The following SLC25A17 variants were observed in gnomAD, a reference collection of about 807,000 sequenced individuals.
SLC25A17 encodes peroxisomal membrane protein PMP34.
In SLC25A17, 26 loss-of-function variants were observed where a neutral mutation model predicts 38.5. The ratio of observed to expected loss-of-function variants is 0.68; its 90% CI spans 0.50 to 0.94. The LOEUF is 0.94. Ranked by LOEUF, SLC25A17 falls within the 40% of genes least tolerant of loss-of-function variation. SLC25A17 has a pLI of 0.00. For missense variants in SLC25A17, 333 were observed against 372.7 expected, an observed-to-expected ratio of 0.89 and a Z score of 0.88; for synonymous variants, 139 against 136.2, an observed-to-expected ratio of 1.02 and a Z score of -0.14.
intron 1 of SLC25A17, among the ~76,000 whole-genome samples, chr22:40,808,076 T>TTG (rs2057545526): frequency 2.6e-5 from 2 of 77,544 alleles, no homozygotes; most frequent in Non-Finnish European, 2.6e-5. Context: ...TACAATACTG[T>TTG]TGTGCGAGAG....
chr22:40,815,604 T>A (rs995455502), intron 1 of SLC25A17, among the ~76,000 whole-genome samples: 4 of 152,234 alleles, frequency 2.6e-5, no homozygotes, highest in Non-Finnish European at 2.9e-5. Flanking sequence ...AAGAATATAC[T>A]TGAGACAGAA....
At chr22:40,787,381 G>A (rs1031782168) in intron 4 of SLC25A17, among the ~76,000 whole-genome samples, 10 of 152,190 alleles carry the variant, frequency 6.6e-5, no homozygotes, top group South Asian at 4.1e-4. Context: ...AGAATAAACA[G>A]TTCACTCTTG....
At chr22:40,774,476 G>A (rs757061496) in intron 7 of SLC25A17, among the ~76,000 whole-genome samples, 19 of 152,070 alleles carry the variant, frequency 1.2e-4, no homozygotes, top group Non-Finnish European at 2.2e-4. Context: ...CACCCACCTC[G>A]GCCTCCCGAA....
intron 1 of SLC25A17, among the ~76,000 whole-genome samples, chr22:40,816,791 A>G (rs1177405294): frequency 6.6e-6 from 1 of 151,824 alleles, no homozygotes; most frequent in Non-Finnish European, 1.5e-5. Context: ...TTGTATTTTT[A>G]GTAGAGACGG....
chr22:40,816,362 C>G (rs1276234569), intron 1 of SLC25A17, among the ~76,000 whole-genome samples: 1 of 152,094 alleles, frequency 6.6e-6, no homozygotes, highest in Non-Finnish European at 1.5e-5. Context: ...TGGGCCAAAT[C>G]CAATCTAATA....
chr22:40,774,554 A>G (rs1814390444), intron 7 of SLC25A17, among the ~76,000 whole-genome samples: 1 of 152,210 alleles, frequency 6.6e-6, no homozygotes, highest in South Asian at 2.1e-4. Flanking sequence ...AGCAAGCATA[A>G]TAATTTTCAT....
chr22:40,792,780 C>T, intron 3 of SLC25A17, 104 bp from the exon 4 acceptor site: 1 of 1,128,312 alleles, frequency 8.9e-7, no homozygotes, highest in Non-Finnish European at 1.3e-6. Context: ...TCTCAAGCTT[C>T]ACTCCTACAC....
At position 40,789,131 on chromosome 22, in the gene SLC25A17, G is replaced by A; in HGVS notation, c.334+3394C>T. The A allele has an allele frequency of 3.8e-6, 1 of 264,724 alleles. No individual in the cohort carries two copies. 16.4% of individuals were successfully genotyped at this position (264,724 alleles called of 1,614,324 possible). On this transcript the variant is annotated intron_variant, in intron 4 of 8. Coordinates refer to ENST00000435456, the MANE Select transcript of SLC25A17 (RefSeq NM_006358.4). This position sits in a 1 kb window ranked among gnomAD's most constrained non-coding sequence, Gnocchi z 4.5. ...TAAATGCCACTGGATATATCGGCTG[G>A]CAGATTATCTACCACTTGCTCAGGA...
intron 1 of SLC25A17, 33 bp downstream of exon 1, chr22:40,819,162 C>T: frequency 6.2e-7 from 1 of 1,612,506 alleles, no homozygotes; most frequent in Non-Finnish European, 8.5e-7. Context: ...CCTTATAACC[C>T]GTTGCGGCCC....
At chr22:40,813,699 G>C (rs557491951) in intron 1 of SLC25A17, among the ~76,000 whole-genome samples, 1 of 152,174 alleles carries the variant, frequency 6.6e-6, no homozygotes, top group Non-Finnish European at 1.5e-5. Context: ...ACTCCAGCCT[G>C]GGCGACAGAG....
chr22:40,772,192 T>C (rs1357990655), intron 8 of SLC25A17, among the ~76,000 whole-genome samples: 1 of 152,196 alleles, frequency 6.6e-6, no homozygotes, highest in Non-Finnish European at 1.5e-5. Flanking sequence ...AGCTGTACCA[T>C]TCTATATTCC....
chr22:40,771,807 T>C (rs1441238663), intron 8 of SLC25A17, among the ~76,000 whole-genome samples: 1 of 152,140 alleles, frequency 6.6e-6, no homozygotes, highest in African/African-American at 2.4e-5. Context: ...AACAGGTGAC[T>C]ATAGTCAATA....
At chr22:40,801,143 ATATATATATATATATATATATATATG>A (rs2145689800) in intron 1 of SLC25A17, among the ~76,000 whole-genome samples, 1 of 124,140 alleles carries the variant, frequency 8.1e-6, no homozygotes, top group South Asian at 2.5e-4. Flanking sequence ...ATATATATAT[ATATATATATATATATATATATATATG>A]TAAATGATAA....
Position 40,819,223 on chromosome 22 carries a change from C to T in SLC25A17, c.26G>A (p.Ser9Asn). ...GGCTCCGGCCACGGCGTGGACCAGG[C>T]TTTCGTAGGACAGCACGGAAGCCAT... is the stretch of plus-strand genomic sequence containing the variant. MASVLSYE[S>N]LVHAVAGAVG... Residue 9 changes from serine (S) to asparagine (N), a missense_variant, in exon 1 of 9, where the codon AGC (serine) becomes AAC (asparagine). Physicochemically the swap from Ser to Asn is conservative, Grantham distance 46. Coordinates refer to ENST00000435456, the MANE Select transcript of SLC25A17 (RefSeq NM_006358.4). 1 of 1,613,828 alleles carries T rather than the reference C, an allele frequency of 6.2e-7. No individual in the cohort carries two copies. Among genetic ancestry groups the T allele is most frequent in the Non-Finnish European group, 8.5e-7 (1 of 1,180,018 alleles).
intron 2 of SLC25A17, chr22:40,797,254 C>A: frequency 8.6e-7 from 1 of 1,163,800 alleles, no homozygotes; most frequent in South Asian, 1.3e-5. Flanking sequence ...AGGGTTTAAC[C>A]TTTGAATTAC....
intron 1 of SLC25A17, among the ~76,000 whole-genome samples, chr22:40,818,302 G>T (rs2057661733): frequency 6.6e-6 from 1 of 152,154 alleles, no homozygotes; most frequent in African/African-American, 2.4e-5. Context: ...AAAGTTTTAA[G>T]GAAAAGAGGG....
intron 1 of SLC25A17, among the ~76,000 whole-genome samples, chr22:40,814,775 ATATATATATATATATTGTTG>A (rs1334969792): frequency 7.6e-5 from 11 of 145,080 alleles, no homozygotes; most frequent in South Asian, 4.3e-4. Flanking sequence ...ATATATATAT[ATATATATATATATATTGTTG>A]TTGTTGTTGT....
chr22:40,791,462 T>G lies in SLC25A17; in HGVS notation c.334+1063A>C, dbSNP rs12158249. Among the ~76,000 whole-genome samples the G allele has an allele frequency of 3.6e-3, 547 of 152,294 alleles. 5 individuals are homozygous for G. Among genetic ancestry groups the G allele is most frequent in the African/African-American group, 0.013 (526 of 41,556 alleles). On this transcript the variant is annotated intron_variant, in intron 4 of 8. Transcript: ENST00000435456. The stretch of plus-strand genomic sequence containing the variant: ...ACTACTCAGGAAATTCCAATGGTTT[T>G]AGGAACTGTGCCAGGAACCAGGGAC...
At chr22:40,781,467 G>A (rs1015123018) in intron 4 of SLC25A17, among the ~76,000 whole-genome samples, 1 of 151,958 alleles carries the variant, frequency 6.6e-6, no homozygotes, top group Non-Finnish European at 1.5e-5. Flanking sequence ...GGATGGTCTC[G>A]ATCTCCTGAC....
Sources: gnomAD v4.1 joint callset for allele counts (sites outside exome capture counted in the v4.1 genomes callset) on GRCh38, gnomAD v4.1.1 for gene constraint, Gnocchi (gnomAD v3.1) non-coding constraint, MANE v1.5 for transcripts, NCBI Gene and HGNC (gene_info 2026-07-23, HGNC 2026-07-21) for gene names.